NXPE3: variants seen among roughly 807,000 people sequenced by gnomAD.
NXPE3 encodes the protein neurexophilin and PC-esterase domain family member 3.
In NXPE3, 26 loss-of-function variants were observed where a neutral mutation model predicts 46.1. That is an observed-to-expected ratio of 0.56 (90% CI 0.41 to 0.78). NXPE3 has a LOEUF of 0.78. Ranked by LOEUF, NXPE3 falls within the 30% of genes least tolerant of loss-of-function variation. The pLI is 0.00. For synonymous variants in NXPE3, 272 were observed against 257.9 expected (o/e 1.05, Z -0.52); for missense variants, 620 against 686.0 (o/e 0.90, Z 1.07).
At chr3:101,789,818 G>A (rs1269002940) in intron 4 of NXPE3, among the ~76,000 whole-genome samples, 1 of 151,960 alleles carries the variant, frequency 6.6e-6, no homozygotes, top group Non-Finnish European at 1.5e-5. Context: ...CCCCTCCCAA[G>A]TAACTGGGAC....
Position 101,821,332 on chromosome 3 carries a change from TTAA to T in NXPE3, c.1130-68_1130-66del, listed in dbSNP as rs1483747579. The T allele has an allele frequency of 2.2e-6, 3 of 1,344,142 alleles. No individual in the cohort carries two copies. In the African/African-American group the frequency reaches 4.4e-5, roughly 20 times the overall value. The allele number at this position is 1,344,142 out of a possible 1,614,324, so 83.3% of individuals were successfully genotyped here. A position where few individuals can be genotyped will look rare whatever the true frequency, so the allele number is the denominator to read the frequency against. The stretch of plus-strand genomic sequence containing the variant: ...AAAAAAAATTGTTATTTGAAGCCAC[TTAA>T]TAAGGTATAATCAAAATATATGTGC... On this transcript the variant is annotated intron_variant, in intron 7 of 7. Transcript: ENST00000273347.
intron 4 of NXPE3, 135 bp from the exon 5 acceptor site, chr3:101,801,100 T>C: frequency 1.0e-6 from 1 of 968,324 alleles, no homozygotes; most frequent in Non-Finnish European, 1.6e-6. Context: ...GATTTTTCTT[T>C]GATATTCACT....
intron 6 of NXPE3, among the ~76,000 whole-genome samples, chr3:101,810,794 G>T (rs1941669289): frequency 1.3e-5 from 2 of 152,048 alleles, no homozygotes; most frequent in Non-Finnish European, 2.9e-5. Flanking sequence ...ACTGAATTCT[G>T]GCAGCAACTT....
chr3:101,803,583 A>G (rs1208505661), intron 5 of NXPE3, among the ~76,000 whole-genome samples: 1 of 152,198 alleles, frequency 6.6e-6, no homozygotes, highest in Non-Finnish European at 1.5e-5. Flanking sequence ...TTTTGCCTAT[A>G]TATGAAGACT....
At chr3:101,794,091 A>G (rs1576741177) in intron 4 of NXPE3, among the ~76,000 whole-genome samples, 1 of 145,928 alleles carries the variant, frequency 6.9e-6, no homozygotes, top group African/African-American at 2.5e-5. Context: ...CTGGAAAACC[A>G]TTGTTTCATG....
chr3:101,823,040 T>G lies in NXPE3; in HGVS notation c.*1086T>G, dbSNP rs1942328299. 2 of 152,202 alleles carry G rather than the reference T, an allele frequency of 1.3e-5. No homozygotes were observed. The highest frequency in any genetic ancestry group is 2.9e-5 in the Non-Finnish European group (2 of 68,034). 9.4% of individuals were successfully genotyped at this position (152,202 alleles called of 1,614,324 possible). A position where few individuals can be genotyped will look rare whatever the true frequency, so the allele number is the denominator to read the frequency against. ...AAGAAGCTGCTATTCCTACTGGCTA[T>G]CTAAGAAGAATGGAATTATTAATTT... On this transcript the variant is annotated 3_prime_UTR_variant, in exon 8 of 8. Transcript: ENST00000273347.
At chr3:101,785,191 T>C (rs1055556855) in intron 3 of NXPE3, among the ~76,000 whole-genome samples, 40 of 152,196 alleles carry the variant, frequency 2.6e-4, no homozygotes, top group African/African-American at 9.4e-4. Flanking sequence ...AGGGGAAATA[T>C]TGTATTTACA....
At chr3:101,819,902 C>T (rs1352225880) in intron 7 of NXPE3, among the ~76,000 whole-genome samples, 2 of 152,210 alleles carry the variant, frequency 1.3e-5, no homozygotes, top group African/African-American at 4.8e-5. Flanking sequence ...ACCTACCCGT[C>T]TAGCAGCCCT....
intron 6 of NXPE3, 120 bp downstream of exon 6, chr3:101,807,246 A>C (rs1941459771): frequency 8.8e-6 from 6 of 683,004 alleles, no homozygotes; most frequent in Non-Finnish European, 1.6e-5. Context: ...CACAATTGAA[A>C]ATATTAAAAG....
At chr3:101,789,171 G>C (rs117164259) in intron 4 of NXPE3, among the ~76,000 whole-genome samples, 2 of 151,700 alleles carry the variant, frequency 1.3e-5, no homozygotes, top group African/African-American at 2.4e-5. Context: ...TAATTGTCTC[G>C]TCCTAGTTTC....
intron 1 of NXPE3, chr3:101,779,533 C>A: frequency 6.5e-6 from 1 of 153,222 alleles, no homozygotes; most frequent in Non-Finnish European, 1.5e-5. Context: ...AGGCCCGGGT[C>A]GAAGGCATAG....
chr3:101,819,826 C>T (rs1330365971), intron 7 of NXPE3, among the ~76,000 whole-genome samples: 1 of 152,144 alleles, frequency 6.6e-6, no homozygotes, highest in African/African-American at 2.4e-5. Context: ...ACTATGGTTA[C>T]CATGTTGTGC....
chr3:101,812,677 T>G (rs1288708049), intron 6 of NXPE3, among the ~76,000 whole-genome samples: 1 of 151,566 alleles, frequency 6.6e-6, no homozygotes, highest in Non-Finnish European at 1.5e-5. Context: ...CCGGGCGTGG[T>G]GGCAGGCGCC....
intron 6 of NXPE3, among the ~76,000 whole-genome samples, chr3:101,816,471 T>G (rs967532034): frequency 2.0e-5 from 3 of 152,036 alleles, no homozygotes; most frequent in African/African-American, 7.2e-5. Flanking sequence ...TCTCCCTGTG[T>G]CCATGTGTTC....
Position 101,802,001 on chromosome 3 carries a change from T to A in NXPE3, c.848+12T>A. ...GCTTTCTTCCAGAGGTATGTACTGC[T>A]TTTTCTTGGGGATGATTTGAAGAGT... On this transcript the variant is annotated intron_variant, in intron 5 of 7. Coordinates refer to ENST00000273347, the MANE Select transcript of NXPE3 (RefSeq NM_145037.4). 1 of 1,575,332 alleles carries A rather than the reference T, an allele frequency of 6.3e-7. No homozygotes were observed. Among genetic ancestry groups the A allele is most frequent in the Non-Finnish European group, 8.6e-7 (1 of 1,166,992 alleles).
In NXPE3 at chr3:101,821,929, C is replaced by A. The variant is rs1309819116; in HGVS notation, c.1655C>A (p.Ser552Tyr). Residue 552 changes from serine (S) to tyrosine (Y), a missense_variant, in exon 8 of 8, where the codon TCC becomes TAC. By Grantham distance (144) the Ser-to-Tyr change is moderately radical. This residue lies in a region of NXPE3 where 34 missense variants were observed against 36.2 expected (regional missense o/e 0.94). Transcript: ENST00000273347. ...AAGAACCAGCTGGACATGTTCTTGT[C>A]CTTTGTGTGCCCCTTGGAAACCTAG... Reference protein sequence around the residue: ...IVKNQLDMFLSFVCPLET With the variant: ...IVKNQLDMFLYFVCPLET 4.3e-6 allele frequency: 7 copies of A among 1,613,470 alleles called. No individual in the cohort carries two copies. In the Admixed American group the frequency reaches 1.0e-4, roughly 23 times the overall value.
intron 7 of NXPE3, among the ~76,000 whole-genome samples, chr3:101,819,525 A>G (rs1009097858): frequency 6.6e-6 from 1 of 152,252 alleles, no homozygotes; most frequent in Admixed American, 6.5e-5. Flanking sequence ...TTGAAAGTCA[A>G]AAGAAACAGG....
chr3:101,818,737 ATATATATATATATATATTTTTTTTTTTT>A (rs1942089222), intron 7 of NXPE3, among the ~76,000 whole-genome samples: 1 of 27,186 alleles, frequency 3.7e-5, no homozygotes, highest in African/African-American at 1.4e-4. Flanking sequence ...ATATATATAT[ATATATATATATATATATTTTTTTTTTTT>A]TTTTTTTTTT....
rs1553802995 is a variant in NXPE3 at position 101,808,820 on chromosome 3, T to TATAG, written c.922+1697_922+1698insGATA. 5.0e-5 allele frequency among the ~76,000 whole-genome samples: 4 copies of TATAG among 79,822 alleles called. 1 individual carries two copies. Among genetic ancestry groups the TATAG allele is most frequent in the Non-Finnish European group, 7.3e-5 (3 of 40,956 alleles). The allele number at this position is 79,822 out of a possible 152,430, so 52.4% of individuals were successfully genotyped here. ...CAAATGAATTACTAATTTTAGAGGA[T>TATAG]ATATATATATATATATATATATATA... On this transcript the variant is annotated intron_variant, in intron 6 of 7. Transcript: ENST00000273347.
Sources: allele counts gnomAD v4.1 joint callset (sites outside exome capture counted in the v4.1 genomes callset), GRCh38; gene constraint gnomAD v4.1.1; regional missense constraint gnomAD v4.1.1; transcripts MANE v1.5; gene names NCBI Gene and HGNC (gene_info 2026-07-23, HGNC 2026-07-21).